The following CNOT4 variants were observed in gnomAD, a reference collection of about 807,000 sequenced individuals.
CNOT4 encodes CCR4-associated factor 4.
In CNOT4, 8 loss-of-function variants were observed where a neutral mutation model predicts 73.8. The ratio of observed to expected loss-of-function variants is 0.11; its 90% CI spans 0.06 to 0.20. The LOEUF (loss-of-function observed/expected upper bound fraction) is 0.20. Ranked by LOEUF, CNOT4 falls within the 10% of genes least tolerant of loss-of-function variation. CNOT4 has a pLI of 1.00. For missense variants in CNOT4, 564 were observed against 883.4 expected, an observed-to-expected ratio of 0.64 and a Z score of 4.58; for synonymous variants, 293 against 321.1, an observed-to-expected ratio of 0.91 and a Z score of 0.94.
Position 135,387,034 on chromosome 7 carries a change from A to G in CNOT4, c.1627+6884T>C, listed in dbSNP as rs1020195909. ...TTACAAGGAGCCAGAGTTTGTTATAATAACAAGGCCCAGGAGCCTCAGCTC... is the reference window on the plus strand; with the variant it reads ...TTACAAGGAGCCAGAGTTTGTTATAGTAACAAGGCCCAGGAGCCTCAGCTC... On this transcript the variant is annotated intron_variant, in intron 10 of 11. Coordinates refer to ENST00000541284, the MANE Select transcript of CNOT4 (RefSeq NM_001190850.2). 13 of 972,604 alleles carry G rather than the reference A, an allele frequency of 1.3e-5. No individual in the cohort carries two copies. In the African/African-American group the frequency reaches 2.3e-4, roughly 17 times the overall value. 60.2% of individuals were successfully genotyped at this position (972,604 alleles called of 1,614,324 possible). A position where few individuals can be genotyped will look rare whatever the true frequency, so the allele number is the denominator to read the frequency against.
chr7:135,380,858 G>C (rs184357064), intron 10 of CNOT4, among the ~76,000 whole-genome samples: 14 of 152,248 alleles, frequency 9.2e-5, no homozygotes, highest in Admixed American at 6.5e-4. Context: ...TAAAGACTAT[G>C]TTATATTTAT....
intron 3 of CNOT4, among the ~76,000 whole-genome samples, chr7:135,421,368 C>T (rs1334824623): frequency 6.6e-6 from 1 of 152,040 alleles, no homozygotes; most frequent in Non-Finnish European, 1.5e-5. Context: ...GAAGATCCCC[C>T]AAAACCAGCT....
At chr7:135,502,422 T>A (rs1484041452) in intron 1 of CNOT4, among the ~76,000 whole-genome samples, 1 of 152,206 alleles carries the variant, frequency 6.6e-6, no homozygotes, top group African/African-American at 2.4e-5. Context: ...TGGACAGTGC[T>A]AATTATATCA....
intron 7 of CNOT4, among the ~76,000 whole-genome samples, chr7:135,409,879 C>T (rs1411207659): frequency 6.6e-6 from 1 of 152,030 alleles, no homozygotes; most frequent in African/African-American, 2.4e-5. Context: ...AAAATATAAT[C>T]TAAGATAAGA....
rs546663523 is a variant in CNOT4, at chr7:135,362,080, G to A, written c.*805C>T. On this transcript the variant is annotated 3_prime_UTR_variant, in exon 12 of 12. Coordinates refer to ENST00000541284, the MANE Select transcript of CNOT4 (RefSeq NM_001190850.2). The stretch of plus-strand genomic sequence containing the variant: ...TTTATGGTAAAACAAAAAAGATTCC[G>A]ACAGAGGAGAAGGACTGAAGAAATG... The A allele has an allele frequency of 3.9e-5, 6 of 152,556 alleles. No homozygotes were observed. Among genetic ancestry groups the A allele is most frequent in the Admixed American group, 1.3e-4 (2 of 15,258 alleles). 9.5% of individuals were successfully genotyped at this position (152,556 alleles called of 1,614,324 possible). A position where few individuals can be genotyped will look rare whatever the true frequency, so the allele number is the denominator to read the frequency against.
chr7:135,457,840 G>A (rs1349953084), intron 1 of CNOT4, among the ~76,000 whole-genome samples: 1 of 152,094 alleles, frequency 6.6e-6, no homozygotes, highest in Non-Finnish European at 1.5e-5. Flanking sequence ...ATATGTATGT[G>A]CATGTGTGTG....
intron 1 of CNOT4, among the ~76,000 whole-genome samples, chr7:135,471,381 C>A (rs918876): frequency 0.29 from 43,376 of 151,974 alleles, 6,466 homozygotes; most frequent in East Asian, 0.52. Flanking sequence ...CTTATAAAAT[C>A]TGAGGGTCCT....
At chr7:135,465,544 T>G (rs553300863) in intron 1 of CNOT4, among the ~76,000 whole-genome samples, 1 of 152,228 alleles carries the variant, frequency 6.6e-6, no homozygotes, top group African/African-American at 2.4e-5. Flanking sequence ...TCCTTTCTAC[T>G]TATGAAAAAA....
At chr7:135,504,295 ATT>A (rs754778391) in intron 1 of CNOT4, among the ~76,000 whole-genome samples, 31 of 140,778 alleles carry the variant, frequency 2.2e-4, no homozygotes, top group Middle Eastern at 3.7e-3. Context: ...AGATCTACTA[ATT>A]TTTTTTTTTT....
chr7:135,400,772 G>A (rs541920323), intron 7 of CNOT4, among the ~76,000 whole-genome samples: 6 of 152,216 alleles, frequency 3.9e-5, no homozygotes, highest in Admixed American at 6.5e-5. Flanking sequence ...TTATCTATCC[G>A]ATAATAGCTG....
intron 1 of CNOT4, among the ~76,000 whole-genome samples, chr7:135,458,196 T>C (rs1585675466): frequency 6.6e-6 from 1 of 152,180 alleles, no homozygotes; most frequent in African/African-American, 2.4e-5. Context: ...TTTGGTTTTG[T>C]GGTGCATATT....
At chr7:135,443,575 A>G (rs1268157811) in intron 1 of CNOT4, among the ~76,000 whole-genome samples, 2 of 152,170 alleles carry the variant, frequency 1.3e-5, no homozygotes, top group Non-Finnish European at 2.9e-5. Context: ...TGGAGTGCAA[A>G]TGCCCAAAGA....
chr7:135,384,962 C>G (rs1039165316), intron 10 of CNOT4, among the ~76,000 whole-genome samples: 1 of 152,208 alleles, frequency 6.6e-6, no homozygotes, highest in East Asian at 1.9e-4. Context: ...AAGATCACCA[C>G]AGATCTAACC....
intron 1 of CNOT4, among the ~76,000 whole-genome samples, chr7:135,495,362 G>A (rs567779247): frequency 3.3e-5 from 5 of 151,904 alleles, no homozygotes; most frequent in Middle Eastern, 6.9e-3. Flanking sequence ...AAAATTAGCC[G>A]GGTATGGTGG....
chr7:135,402,526 T>C (rs1797055719), intron 7 of CNOT4, among the ~76,000 whole-genome samples: 1 of 152,166 alleles, frequency 6.6e-6, no homozygotes, highest in Non-Finnish European at 1.5e-5. Context: ...AAGTAAAAAG[T>C]ATATATCCAG....
chr7:135,394,553 T>A, intron 9 of CNOT4, 138 bp from the exon 10 acceptor site: 1 of 700,970 alleles, frequency 1.4e-6, no homozygotes, highest in South Asian at 1.9e-5. Context: ...TCTTAGCACA[T>A]TAAGATCATA....
At chr7:135,502,418 G>A (rs1227510168) in intron 1 of CNOT4, among the ~76,000 whole-genome samples, 1 of 152,186 alleles carries the variant, frequency 6.6e-6, no homozygotes, top group Non-Finnish European at 1.5e-5. Context: ...GCTTTGGACA[G>A]TGCTAATTAT....
chr7:135,440,664 A>G (rs1305634833), intron 1 of CNOT4, among the ~76,000 whole-genome samples: 2 of 152,124 alleles, frequency 1.3e-5, no homozygotes, highest in Non-Finnish European at 2.9e-5. Flanking sequence ...GCTCACGCCT[A>G]TAATCCCAGC....
At chr7:135,381,879 CA>C (rs1391725944) in intron 10 of CNOT4, among the ~76,000 whole-genome samples, 2 of 152,150 alleles carry the variant, frequency 1.3e-5, no homozygotes, top group African/African-American at 4.8e-5. Context: ...TGCTTTGTAA[CA>C]GCACAATAGT....
Sources: gnomAD v4.1 joint callset for allele counts (sites outside exome capture counted in the v4.1 genomes callset) on GRCh38, gnomAD v4.1.1 for gene constraint, MANE v1.5 for transcripts, NCBI Gene and HGNC (gene_info 2026-07-23, HGNC 2026-07-21) for gene names.